Variants in MKLN1 observed in about 807,000 individuals in gnomAD.
MKLN1 encodes muskelin.
A neutral mutation model predicts 99.0 loss-of-function variants in MKLN1; 18 were observed. The ratio of observed to expected loss-of-function variants is 0.18; its 90% CI spans 0.13 to 0.27. The LOEUF (loss-of-function observed/expected upper bound fraction) is 0.27, where lower values mean the gene tolerates loss of function less well. Ranked by LOEUF, MKLN1 falls within the 10% of genes least tolerant of loss-of-function variation. The probability of loss-of-function intolerance (pLI) is 1.00; values close to 1 mark genes in which losing one functional copy is unlikely to be tolerated. For synonymous variants in MKLN1, 288 were observed against 293.2 expected (o/e 0.98, Z 0.18); for missense variants, 621 against 875.9 (o/e 0.71, Z 3.67).
At chr7:131,422,105 ATTAC>A (rs1174727037) in intron 8 of MKLN1, among the ~76,000 whole-genome samples, 1 of 152,216 alleles carries the variant, frequency 6.6e-6, no homozygotes, top group Non-Finnish European at 1.5e-5. Context: ...AAGCCCAGTT[ATTAC>A]TTTAAGTATG....
intron 6 of MKLN1, among the ~76,000 whole-genome samples, chr7:131,409,770 T>C (rs1794818259): frequency 6.6e-6 from 1 of 152,166 alleles, no homozygotes; most frequent in Admixed American, 6.5e-5. Context: ...GTTTCTAGCT[T>C]AAAAAGTAAG....
chr7:131,155,914 G>A (rs1795956300), intron 2 of MKLN1, among the ~76,000 whole-genome samples: 1 of 152,126 alleles, frequency 6.6e-6, no homozygotes. Context: ...TTAGGGAAAT[G>A]GGATTTGGCG....
intron 3 of MKLN1, among the ~76,000 whole-genome samples, chr7:131,289,446 C>T (rs745960316): frequency 6.6e-6 from 1 of 151,944 alleles, no homozygotes; most frequent in Admixed American, 6.6e-5. Flanking sequence ...GCCAACATAG[C>T]GAGACCTCAT....
At position 131,270,186 on chromosome 7, in the gene MKLN1, T is replaced by G. The variant is rs140080132; in HGVS notation, c.-179+67212T>G. ...ATCCACCCGCCTCGGCCTCTCAAAG[T>G]GCTGGGATTACAGGCATGAGCCATG... On this transcript the variant is annotated intron_variant, in intron 3 of 7. Transcript: ENST00000416992. Among the ~76,000 whole-genome samples, 425 of 152,222 alleles carry G rather than the reference T, an allele frequency of 2.8e-3. 16 individuals are homozygous for G. The East Asian group carries it at 0.059, about 21-fold the overall frequency.
intron 3 of MKLN1, among the ~76,000 whole-genome samples, chr7:131,242,023 A>G (rs1398616382): frequency 6.6e-6 from 1 of 152,170 alleles, no homozygotes; most frequent in Non-Finnish European, 1.5e-5. Flanking sequence ...CCTATTCTCA[A>G]TAGCACATTG....
intron 1 of MKLN1, among the ~76,000 whole-genome samples, chr7:131,116,796 C>T (rs1795284562): frequency 6.6e-6 from 1 of 151,980 alleles, no homozygotes; most frequent in Non-Finnish European, 1.5e-5. Flanking sequence ...ATGTGCATCA[C>T]AACTGCAGTG....
At chr7:131,151,291 G>T (rs1795885537) in intron 2 of MKLN1, among the ~76,000 whole-genome samples, 1 of 152,146 alleles carries the variant, frequency 6.6e-6, no homozygotes, top group Non-Finnish European at 1.5e-5. Flanking sequence ...AGAAAATTTT[G>T]CTAAGAAACC....
At chr7:131,354,500 A>C (rs1799815080) in intron 1 of MKLN1, among the ~76,000 whole-genome samples, 1 of 128,878 alleles carries the variant, frequency 7.8e-6, no homozygotes, top group African/African-American at 3.0e-5. Context: ...CATTAGTCCT[A>C]GGATTTTTTT....
intron 1 of MKLN1, among the ~76,000 whole-genome samples, chr7:131,115,293 A>C (rs1348780313): frequency 6.6e-6 from 1 of 152,232 alleles, no homozygotes; most frequent in South Asian, 2.1e-4. Context: ...CACAAAAAGC[A>C]TGTAGATATT....
intron 3 of MKLN1, among the ~76,000 whole-genome samples, chr7:131,216,067 T>A (rs10488386): frequency 0.18 from 26,815 of 152,090 alleles, 2,858 homozygotes; most frequent in Non-Finnish European, 0.25. Flanking sequence ...CCCATGTTTT[T>A]AGCCCCATTT....
intron 17 of MKLN1, among the ~76,000 whole-genome samples, chr7:131,479,294 G>C (rs1006640919): frequency 1.3e-5 from 2 of 152,118 alleles, no homozygotes; most frequent in Admixed American, 6.5e-5. Context: ...GTAGCACTTT[G>C]GGATGCTGAT....
chr7:131,257,329 A>T lies in MKLN1; in HGVS notation c.-179+54355A>T, dbSNP rs185370487. ...AATAAGACAAGTGTGATAAATTAAC[A>T]TGTGCAGAAATTAAATGACACATTC... is the stretch of plus-strand genomic sequence containing the variant. On this transcript the variant is annotated intron_variant, in intron 3 of 7. Coordinates refer to the MKLN1 transcript ENST00000416992. Among the ~76,000 whole-genome samples, 4 of 152,370 alleles carry T rather than the reference A, an allele frequency of 2.6e-5. No individual in the cohort carries two copies. In the East Asian group the frequency reaches 7.7e-4, roughly 29 times the overall value.
intron 2 of MKLN1, among the ~76,000 whole-genome samples, chr7:131,155,333 G>A (rs2116296924): frequency 6.6e-6 from 1 of 152,258 alleles, no homozygotes; most frequent in South Asian, 2.1e-4. Context: ...TTGACAGGAA[G>A]CAATCCACAA....
intron 1 of MKLN1, among the ~76,000 whole-genome samples, chr7:131,135,741 G>A (rs1158656640): frequency 6.6e-6 from 1 of 152,208 alleles, no homozygotes; most frequent in Middle Eastern, 3.2e-3. Flanking sequence ...CTTCATCGGT[G>A]TGTTTTCAGT....
intron 2 of MKLN1, among the ~76,000 whole-genome samples, chr7:131,381,133 C>T (rs1793834920): frequency 6.6e-6 from 1 of 152,128 alleles, no homozygotes; most frequent in South Asian, 2.1e-4. Flanking sequence ...TTATCTAACA[C>T]ATGTATTTTC....
rs183009372 is a variant in MKLN1 at position 131,310,847 on chromosome 7, T to C, written c.-178-64577T>C. The C allele has an allele frequency of 3.9e-5, 6 of 152,328 alleles. No individual in the cohort carries two copies. The East Asian group carries it at 1.2e-3, about 29-fold the overall frequency. 9.4% of individuals were successfully genotyped at this position (152,328 alleles called of 1,614,324 possible). ...GCCATAAAATAAGAGTACTCATGAA[T>C]AGTTTCCAAATTTTGGAGTAATCAG... On this transcript the variant is annotated intron_variant, in intron 3 of 7. Transcript: ENST00000416992.
At chr7:131,138,269 A>G (rs2099441) in intron 1 of MKLN1, among the ~76,000 whole-genome samples, 8,661 of 152,226 alleles carry the variant, frequency 0.057, 322 homozygotes, top group East Asian at 0.23. Flanking sequence ...ATTTCTTTTA[A>G]GCAAAATATT....
At chr7:131,320,589 TA>T (rs1313360567) in intron 3 of MKLN1, among the ~76,000 whole-genome samples, 1 of 152,152 alleles carries the variant, frequency 6.6e-6, no homozygotes, top group Non-Finnish European at 1.5e-5. Context: ...GGGATCTAAT[TA>T]AACTAAAGAG....
chr7:131,319,348 G>A (rs1347118792), intron 3 of MKLN1, among the ~76,000 whole-genome samples: 2 of 151,692 alleles, frequency 1.3e-5, no homozygotes, highest in Non-Finnish European at 2.9e-5. Context: ...CAAAAACCAC[G>A]ATTATCTCAA....
Sources: gnomAD v4.1 joint callset for allele counts (sites outside exome capture counted in the v4.1 genomes callset) on GRCh38, gnomAD v4.1.1 for gene constraint, MANE v1.5 for transcripts, NCBI Gene and HGNC (gene_info 2026-07-23, HGNC 2026-07-21) for gene names.